Variants in FGFR4 observed in about 807,000 individuals in gnomAD.
The protein encoded by FGFR4 is fibroblast growth factor receptor 4, also known as hydroxyaryl-protein kinase.
In FGFR4, 63 loss-of-function variants were observed where a neutral mutation model predicts 89.9. The ratio of observed to expected loss-of-function variants is 0.70; its 90% CI spans 0.57 to 0.86. FGFR4 has a LOEUF of 0.86. Among genes scored for constraint, FGFR4 ranks in the 40% least tolerant of loss-of-function variants. FGFR4 has a pLI of 0.00. For synonymous variants in FGFR4, 486 were observed against 479.4 expected, an observed-to-expected ratio of 1.01 and a Z score of -0.18; for missense variants, 928 against 1,106.7, an observed-to-expected ratio of 0.84 and a Z score of 2.29.
Position 177,096,745 on chromosome 5 carries a change from A to G in FGFR4, c.2153+4A>G. On this transcript the variant is annotated splice_donor_region_variant and intron_variant, in intron 16 of 17. Coordinates refer to ENST00000292408, the MANE Select transcript of FGFR4 (RefSeq NM_213647.3). ...CCCCACACTGCCCCCCAGAGCTGTG[A>G]GGCCTCACCCTGCCCTCGACCCCAC... The G allele has an allele frequency of 6.4e-7, 1 of 1,570,440 alleles. No individual in the cohort carries two copies. Among genetic ancestry groups the G allele is most frequent in the Non-Finnish European group, 8.6e-7 (1 of 1,157,866 alleles).
chr5:177,091,926 G>C (rs1294591584), intron 6 of FGFR4, 118 bp downstream of exon 6: 1 of 1,376,178 alleles, frequency 7.3e-7, no homozygotes, highest in African/African-American at 1.4e-5. Flanking sequence ...AGCTTGGTGA[G>C]CAGGTGGGTC....
Position 177,093,843 on chromosome 5 carries a change from G to C in FGFR4, c.1519+68G>C. 1 of 1,530,736 alleles carries C rather than the reference G, an allele frequency of 6.5e-7. No individual in the cohort carries two copies. Among genetic ancestry groups the C allele is most frequent in the Non-Finnish European group, 8.9e-7 (1 of 1,129,306 alleles). 94.8% of individuals were successfully genotyped at this position (1,530,736 alleles called of 1,614,324 possible). On this transcript the variant is annotated intron_variant, in intron 11 of 17. Transcript: ENST00000292408. This position sits in a 1 kb window ranked among gnomAD's most constrained non-coding sequence, Gnocchi z 5.8. ...CACTTTAGGAGGCTGAGGGTGGGAG[G>C]ATCGCTTGAATCCAGGAATTCGAGG...
rs1784550790 is a variant in FGFR4, at chr5:177,096,089, G to A, written c.1854G>A (p.Val618=). Residue 618 remains valine, a synonymous_variant, in exon 14 of 18, where the codon GTG becomes GTA. Transcript: ENST00000292408. Reference sequence around the variant, plus strand: ...ACCGGGACCTGGCTGCCCGCAATGTGCTGGTGACTGAGGACAATGTGATGA... The same window carrying A: ...ACCGGGACCTGGCTGCCCGCAATGTACTGGTGACTGAGGACAATGTGATGA... The part of the protein sequence containing the change: ...CIHRDLAARN[V]LVTEDNVMKI... 6.2e-7 allele frequency: 1 copy of A among 1,614,168 alleles called. No homozygotes were observed. The highest frequency in any genetic ancestry group is 8.5e-7 in the Non-Finnish European group (1 of 1,180,016).
Position 177,095,709 on chromosome 5 carries a change from C to T in FGFR4, c.1807C>T (p.Leu603=). The stretch of plus-strand genomic sequence containing the variant: ...CCAGGTGGCCCGAGGCATGCAGTAT[C>T]TGGAGTCCCGGAAGGTACAGGCGCT... ...AYQVARGMQY[L]ESRKCIHRDL... is the part of the protein sequence containing the mutation. The change falls in exon 13 of 18, where the codon CTG becomes TTG. Residue 603 remains leucine (L), a synonymous_variant. Transcript: ENST00000292408. The surrounding 1 kb of genome is among the most constrained non-coding windows in gnomAD (Gnocchi z 5.7). The T allele has an allele frequency of 6.2e-7, 1 of 1,606,266 alleles. No homozygotes were observed. Among genetic ancestry groups the T allele is most frequent in the Non-Finnish European group, 8.5e-7 (1 of 1,177,796 alleles).
intron 2 of FGFR4, chr5:177,089,992 G>A: frequency 3.0e-6 from 2 of 671,842 alleles, no homozygotes; most frequent in South Asian, 3.0e-5. Context: ...TCTGTGCACT[G>A]GGTGTGTGAC....
chr5:177,092,179 A>C, intron 6 of FGFR4, 142 bp from the exon 7 acceptor site: 1 of 820,464 alleles, frequency 1.2e-6, no homozygotes, highest in Non-Finnish European at 1.8e-6. Flanking sequence ...GAGCCAGGGA[A>C]GGTTTAAGCA....
At position 177,097,544 on chromosome 5, in the gene FGFR4, G is replaced by A; in HGVS notation, c.2277G>A (p.Leu759=). ...CCCCACAGTACCTCGACCTCCGCCT[G>A]ACCTTCGGACCCTATTCCCCCTCTG... is the stretch of plus-strand genomic sequence containing the variant. ...AVSEEYLDLR[L]TFGPYSPSGG... Residue 759 remains leucine, a synonymous_variant, in exon 18 of 18, where the codon CTG becomes CTA. Coordinates refer to ENST00000292408, the MANE Select transcript of FGFR4 (RefSeq NM_213647.3). 2.5e-6 allele frequency: 4 copies of A among 1,613,786 alleles called. No homozygotes were observed. In the African/African-American group the frequency reaches 5.3e-5, roughly 22 times the overall value.
chr5:177,097,238 C>T (rs1348327507), intron 16 of FGFR4, 54 bp from the exon 17 acceptor site: 5 of 1,455,132 alleles, frequency 3.4e-6, no homozygotes, highest in Non-Finnish European at 4.7e-6. Flanking sequence ...CCGGTCCTCC[C>T]CTTCCTCCTG....
chr5:177,092,694 G>C lies in FGFR4; in HGVS notation c.967G>C (p.Val323Leu), dbSNP rs767796482. 2 of 1,613,994 alleles carry C rather than the reference G, an allele frequency of 1.2e-6. No homozygotes were observed. The highest frequency in any genetic ancestry group is 1.7e-6 in the Non-Finnish European group (2 of 1,179,830). Residue 323 changes from valine to leucine, a missense_variant, in exon 8 of 18, where the codon GTG (valine) becomes CTG (leucine). Around this residue, in one of 5 missense-constraint regions of FGFR4, gnomAD observed 741 missense variants for 836.9 expected, o/e 0.89. Transcript: ENST00000292408. Reference sequence around the variant, plus strand: ...GGTGGAGGTCCTGTACCTGCGGAACGTGTCAGCCGAGGACGCAGGCGAGTA... The same window carrying C: ...GGTGGAGGTCCTGTACCTGCGGAACCTGTCAGCCGAGGACGCAGGCGAGTA... ...SEVEVLYLRN[V>L]SAEDAGEYTC...
chr5:177,089,025 G>A (rs1006194694), intron 1 of FGFR4, among the ~76,000 whole-genome samples: 5 of 152,148 alleles, frequency 3.3e-5, no homozygotes, highest in Admixed American at 1.3e-4. Flanking sequence ...CCAGGGTCGC[G>A]GTCCTGCTTG....
chr5:177,096,839 TAAC>T (rs1172951038), intron 16 of FGFR4, 98 bp downstream of exon 16: 17 of 1,366,172 alleles, frequency 1.2e-5, no homozygotes, highest in African/African-American at 7.8e-5. Flanking sequence ...AGGACAACAC[TAAC>T]AACAACTCCT....
At position 177,095,774 on chromosome 5, in the gene FGFR4, C is replaced by T. The variant is rs1784537754; in HGVS notation, c.1821+51C>T. On this transcript the variant is annotated intron_variant, in intron 13 of 17. Transcript: ENST00000292408. The surrounding 1 kb of genome is among the most constrained non-coding windows in gnomAD (Gnocchi z 5.7). ...CTCTCAGTCTCTCCAGCTCCACTCT[C>T]AGGCCTGTGGCATTCAATGTCCCGA... 1 of 1,488,552 alleles carries T rather than the reference C, an allele frequency of 6.7e-7. No homozygotes were observed. The highest frequency in any genetic ancestry group is 9.0e-7 in the Non-Finnish European group (1 of 1,115,456). 92.2% of individuals were successfully genotyped at this position (1,488,552 alleles called of 1,614,324 possible). A position where few individuals can be genotyped will look rare whatever the true frequency, so the allele number is the denominator to read the frequency against.
Position 177,096,850 on chromosome 5 carries a change from C to A in FGFR4, c.2153+109C>A, listed in dbSNP as rs1238944541. On this transcript the variant is annotated intron_variant, in intron 16 of 17. Coordinates refer to ENST00000292408, the MANE Select transcript of FGFR4 (RefSeq NM_213647.3). ...CAGAAGGACAACACTAACAACAACT[C>A]CTCGTCCTCCTCCTCCTCTTCCTCT... 7 of 1,244,486 alleles carry A rather than the reference C, an allele frequency of 5.6e-6. No individual in the cohort carries two copies. In the East Asian group the frequency reaches 9.8e-5, roughly 17 times the overall value. The allele number at this position is 1,244,486 out of a possible 1,614,324, so 77.1% of individuals were successfully genotyped here.
At position 177,092,192 on chromosome 5, in the gene FGFR4, G is replaced by T. The variant is rs544854421; in HGVS notation, c.728-129G>T. ...GGGAGCCAGGGAAGGTTTAAGCAGG[G>T]TAAGCAGGAGACAGACAAGAAGCTG... On this transcript the variant is annotated intron_variant, in intron 6 of 17. Transcript: ENST00000292408. The T allele has an allele frequency of 5.1e-6, 5 of 976,452 alleles. No homozygotes were observed. In the African/African-American group the frequency reaches 8.2e-5, roughly 16 times the overall value. The allele number at this position is 976,452 out of a possible 1,614,324, so 60.5% of individuals were successfully genotyped here. A position where few individuals can be genotyped will look rare whatever the true frequency, so the allele number is the denominator to read the frequency against.
chr5:177,097,229 C>G, intron 16 of FGFR4, 63 bp from the exon 17 acceptor site: 1 of 1,375,136 alleles, frequency 7.3e-7, no homozygotes, highest in Admixed American at 2.2e-5. Context: ...AGAGAACCCC[C>G]GGTCCTCCCC....
In FGFR4 at chr5:177,097,656, G is replaced by C. The variant is rs200649056; in HGVS notation, c.2389G>C (p.Gly797Arg). ...ATTGGGATCCAGCTCCTTCCCCTTC[G>C]GGTCTGGGGTGCAGACATGAGCAAG... ...LPLGSSSFPF[G>R]SGVQT Residue 797 changes from glycine to arginine, a missense_variant, in exon 18 of 18, where the codon GGG becomes CGG. By Grantham distance (125) the Gly-to-Arg change is moderately radical. This residue lies in a region of FGFR4 where 129 missense variants were observed against 150.8 expected (regional missense o/e 0.86). Transcript: ENST00000292408. 7 of 1,614,122 alleles carry C rather than the reference G, an allele frequency of 4.3e-6. No homozygotes were observed. Among genetic ancestry groups the C allele is most frequent in the Non-Finnish European group, 5.1e-6 (6 of 1,180,000 alleles).
At position 177,090,780 on chromosome 5, in the gene FGFR4, A is replaced by G; in HGVS notation, c.391A>G (p.Lys131Glu). The change falls in exon 4 of 18, where the codon AAG becomes GAG. Residue 131 changes from lysine (K) to glutamate (E), a missense_variant. Physicochemically the swap from Lys to Glu is moderately conservative, Grantham distance 56. This residue lies in a region of FGFR4 where 741 missense variants were observed against 836.9 expected (regional missense o/e 0.89). Coordinates refer to ENST00000292408, the MANE Select transcript of FGFR4 (RefSeq NM_213647.3). ...LTSSNDDEDP[K>E]SHRDPSNRHS... is the part of the protein sequence containing the mutation. ...CTCCAGCAACGATGATGAGGACCCC[A>G]AGTCCCATAGGGACCCCTCGAATAG... The G allele has an allele frequency of 1.2e-6, 2 of 1,613,136 alleles. No homozygotes were observed. Among genetic ancestry groups the G allele is most frequent in the Non-Finnish European group, 1.7e-6 (2 of 1,179,344 alleles).
intron 5 of FGFR4, 72 bp downstream of exon 5, chr5:177,091,176 G>T: frequency 1.4e-6 from 2 of 1,466,684 alleles, no homozygotes; most frequent in South Asian, 1.4e-5. Context: ...ATACCTACAA[G>T]CATACCTATA....
In FGFR4 at chr5:177,093,183, C is replaced by G. The variant is rs770529969; in HGVS notation, c.1103C>G (p.Thr368Arg). The change falls in exon 9 of 18, where the codon ACG becomes AGG. Residue 368 changes from threonine to arginine, a missense_variant. Thr to Arg is a moderately conservative substitution (Grantham distance 71, BLOSUM62 -1). Around this residue, in one of 5 missense-constraint regions of FGFR4, gnomAD observed 741 missense variants for 836.9 expected, o/e 0.89. Transcript: ENST00000292408. This position sits in a 1 kb window ranked among gnomAD's most constrained non-coding sequence, Gnocchi z 5.8. ...WTAAAPEARY[T>R]DIILYASGSL... ...GCAGCAGCGCCCGAGGCCAGGTATA[C>G]GGACATCATCCTGTACGCGTCGGGC... The G allele has an allele frequency of 1.9e-6, 3 of 1,613,920 alleles. No homozygotes were observed. The highest frequency in any genetic ancestry group is 2.7e-5 in the African/African-American group (2 of 75,040).
Sources: gnomAD v4.1 joint callset for allele counts (sites outside exome capture counted in the v4.1 genomes callset) on GRCh38, gnomAD v4.1.1 for gene constraint, gnomAD v4.1.1 regional missense constraint, Gnocchi (gnomAD v3.1) non-coding constraint, MANE v1.5 for transcripts, NCBI Gene and HGNC (gene_info 2026-07-23, HGNC 2026-07-21) for gene names.